Variants in NFIB observed in about 807,000 individuals in gnomAD.
The protein encoded by NFIB is nuclear factor I B, also known as nuclear factor 1 B-type.
In NFIB, 11 loss-of-function variants were observed where a neutral mutation model predicts 61.5. The ratio of observed to expected loss-of-function variants is 0.18; its 90% CI spans 0.11 to 0.30. The LOEUF (loss-of-function observed/expected upper bound fraction) is 0.30. Ranked by LOEUF, NFIB falls within the 10% of genes least tolerant of loss-of-function variation. The pLI is 1.00. For synonymous variants in NFIB, 260 were observed against 216.5 expected, an observed-to-expected ratio of 1.20 and a Z score of -1.76; for missense variants, 471 against 608.9, an observed-to-expected ratio of 0.77 and a Z score of 2.38.
chr9:14,529,567 C>G, the NFIB span, among the ~76,000 whole-genome samples: 1 of 152,190 alleles, frequency 6.6e-6, no homozygotes. Context: ...TGTATTCTGT[C>G]TCTCTTCTAA....
intron 7 of NFIB, among the ~76,000 whole-genome samples, chr9:14,125,271 C>A (rs1457815615): frequency 6.6e-6 from 1 of 152,184 alleles, no homozygotes; most frequent in Non-Finnish European, 1.5e-5. Context: ...GATTCTCCTG[C>A]CTCAGCCTCC....
chr9:14,305,835 C>A, intron 2 of NFIB: 1 of 369,104 alleles, frequency 2.7e-6, no homozygotes, highest in Non-Finnish European at 4.9e-6. Flanking sequence ...TGTCACCTGG[C>A]TATCTGCAGG....
chr9:14,354,381 G>A (rs974494213), intron 1 of NFIB, among the ~76,000 whole-genome samples: 1 of 152,182 alleles, frequency 6.6e-6, no homozygotes, highest in African/African-American at 2.4e-5. Context: ...CTAAAGTATT[G>A]TGCTGGAAAT....
chr9:14,398,742 G>A lies in NFIB; in HGVS notation c.-111C>T, dbSNP rs144016558. On this transcript the variant is annotated 5_prime_UTR_variant, in exon 1 of 9. Coordinates refer to the NFIB transcript ENST00000380934. The stretch of plus-strand genomic sequence containing the variant: ...GTACCTTAGCAAACGCAGCTTCATA[G>A]GAATGAACAGGCAGAAGGTCCGAAG... 2,865 of 676,582 alleles carry A rather than the reference G, an allele frequency of 4.2e-3. 13 individuals are homozygous for A. Among genetic ancestry groups the A allele is most frequent in the Middle Eastern group, 0.014 (42 of 2,944 alleles). The allele number at this position is 676,582 out of a possible 1,614,324, so 41.9% of individuals were successfully genotyped here. A position where few individuals can be genotyped will look rare whatever the true frequency, so the allele number is the denominator to read the frequency against.
At chr9:14,503,280 G>A in the NFIB span, among the ~76,000 whole-genome samples, 1 of 151,918 alleles carries the variant, frequency 6.6e-6, no homozygotes, top group Non-Finnish European at 1.5e-5. Flanking sequence ...TTCATGTAAT[G>A]ACTTGTTTTC....
the NFIB span, among the ~76,000 whole-genome samples, chr9:14,439,357 G>A: frequency 1.3e-5 from 2 of 152,182 alleles, no homozygotes; most frequent in African/African-American, 2.4e-5. Flanking sequence ...GTGACAGAAC[G>A]AGGCACAGGC....
chr9:14,157,256 C>T (rs937845729), intron 3 of NFIB, among the ~76,000 whole-genome samples: 1 of 152,094 alleles, frequency 6.6e-6, no homozygotes, highest in Admixed American at 6.6e-5. Flanking sequence ...CAAAATGATC[C>T]GCAAATCTTT....
At chr9:14,459,348 C>T in the NFIB span, among the ~76,000 whole-genome samples, 14 of 152,302 alleles carry the variant, frequency 9.2e-5, no homozygotes, top group East Asian at 1.9e-4. Context: ...CTTCCTTACA[C>T]CTTACACAAA....
intron 1 of NFIB, among the ~76,000 whole-genome samples, chr9:14,372,781 G>T (rs1016294106): frequency 1.3e-5 from 2 of 152,176 alleles, no homozygotes; most frequent in African/African-American, 4.8e-5. Flanking sequence ...AGCTTCTAAT[G>T]CTATGCTATC....
intron 3 of NFIB, among the ~76,000 whole-genome samples, chr9:14,173,823 C>A (rs1380070501): frequency 2.6e-5 from 4 of 152,194 alleles, no homozygotes; most frequent in African/African-American, 9.7e-5. Flanking sequence ...CAGGACCTTA[C>A]AAGACATTCC....
In NFIB at chr9:14,081,927, G is replaced by A. The variant is rs1218619268; in HGVS notation, c.*6382C>T. The stretch of plus-strand genomic sequence containing the variant: ...CGCTTCCAGTAATTGACTGCAGTAT[G>A]AGCAGCTGCTAGCAGTATAGGCTGG... On this transcript the variant is annotated 3_prime_UTR_variant, in exon 11 of 11. Transcript: ENST00000380953. 2 of 200,196 alleles carry A rather than the reference G, an allele frequency of 1.0e-5. No homozygotes were observed. Among genetic ancestry groups the A allele is most frequent in the Non-Finnish European group, 2.1e-5 (2 of 96,692 alleles). The allele number at this position is 200,196 out of a possible 1,614,324, so 12.4% of individuals were successfully genotyped here. A position where few individuals can be genotyped will look rare whatever the true frequency, so the allele number is the denominator to read the frequency against.
At chr9:14,454,910 A>T in the NFIB span, among the ~76,000 whole-genome samples, 1 of 152,230 alleles carries the variant, frequency 6.6e-6, no homozygotes, top group African/African-American at 2.4e-5. Flanking sequence ...CATATCCCAG[A>T]TAGGGCTGCT....
chr9:14,208,943 A>G (rs2050033564), intron 2 of NFIB, among the ~76,000 whole-genome samples: 1 of 152,192 alleles, frequency 6.6e-6, no homozygotes, highest in African/African-American at 2.4e-5. Context: ...AGGGAAAAGA[A>G]GAAACAGTCA....
chr9:14,513,965 A>G, the NFIB span, among the ~76,000 whole-genome samples: 4 of 152,072 alleles, frequency 2.6e-5, no homozygotes, highest in Non-Finnish European at 4.4e-5. Context: ...GCTACTTTTT[A>G]TTTTCTTAAC....
chr9:14,328,263 C>T (rs1258681298), intron 1 of NFIB, among the ~76,000 whole-genome samples: 1 of 152,154 alleles, frequency 6.6e-6, no homozygotes, highest in Non-Finnish European at 1.5e-5. Context: ...CCCACCTCAG[C>T]CTCCTGAGTA....
the NFIB span, among the ~76,000 whole-genome samples, chr9:14,518,183 G>A: frequency 8.5e-5 from 13 of 152,126 alleles, no homozygotes; most frequent in South Asian, 4.1e-4. Flanking sequence ...TAAGACATTC[G>A]CAACAAGGTC....
chr9:14,447,154 T>A, the NFIB span, among the ~76,000 whole-genome samples: 1 of 152,210 alleles, frequency 6.6e-6, no homozygotes, highest in South Asian at 2.1e-4. Context: ...GTTTATTGTT[T>A]CTGTTTCATA....
intron 2 of NFIB, among the ~76,000 whole-genome samples, chr9:14,305,144 C>CT (rs2059952881): frequency 6.6e-6 from 1 of 151,730 alleles, no homozygotes; most frequent in East Asian, 1.9e-4. Flanking sequence ...CGTTTTTTTT[C>CT]TTTTTTCAAT....
At chr9:14,165,176 T>C (rs2044642432) in intron 3 of NFIB, among the ~76,000 whole-genome samples, 1 of 152,190 alleles carries the variant, frequency 6.6e-6, no homozygotes, top group Non-Finnish European at 1.5e-5. Flanking sequence ...AGCTGGATTT[T>C]ATGTATCCTT....
Sources: allele counts gnomAD v4.1 joint callset (sites outside exome capture counted in the v4.1 genomes callset), GRCh38; gene constraint gnomAD v4.1.1; transcripts MANE v1.5; gene names NCBI Gene and HGNC (gene_info 2026-07-23, HGNC 2026-07-21).